Variants in KIF1B observed in about 807,000 individuals in gnomAD.
KIF1B encodes the protein kinesin-like protein KIF1B.
KIF1B carries 76 observed loss-of-function variants against 241.9 expected under a neutral mutation model. The observed-to-expected ratio is 0.31, with a 90% confidence interval of 0.26 to 0.38. The LOEUF (loss-of-function observed/expected upper bound fraction) is 0.38, where lower values mean the gene tolerates loss of function less well. KIF1B is among the 10% of genes least tolerant of loss of function. The probability of loss-of-function intolerance (pLI) is 1.00; values close to 1 mark genes in which losing one functional copy is unlikely to be tolerated. For synonymous variants in KIF1B, 750 were observed against 796.7 expected (o/e 0.94, Z 0.99); for missense variants, 1,622 against 2,271.4 (o/e 0.71, Z 5.81).
At chr1:10,302,705 A>G (rs1035579010) in intron 22 of KIF1B, among the ~76,000 whole-genome samples, 9 of 152,230 alleles carry the variant, frequency 5.9e-5, no homozygotes, top group Non-Finnish European at 1.0e-4. Flanking sequence ...AGCAACAGCA[A>G]TAACCAAGGC....
At chr1:10,255,854 A>C (rs1219931097) in intron 2 of KIF1B, among the ~76,000 whole-genome samples, 1 of 152,110 alleles carries the variant, frequency 6.6e-6, no homozygotes, top group Non-Finnish European at 1.5e-5. Flanking sequence ...CAGTGGCTCG[A>C]TAACAGCTAA....
At position 10,210,675 on chromosome 1, in the gene KIF1B, C is replaced by T. The variant is rs1174155378; in HGVS notation, c.-283C>T. 1 of 152,246 alleles carries T rather than the reference C, an allele frequency of 6.6e-6. No homozygotes were observed. The highest frequency in any genetic ancestry group is 6.6e-5 in the Admixed American group (1 of 15,206). The allele number at this position is 152,246 out of a possible 1,614,324, so 9.4% of individuals were successfully genotyped here. A position where few individuals can be genotyped will look rare whatever the true frequency, so the allele number is the denominator to read the frequency against. On this transcript the variant is annotated 5_prime_UTR_variant, in exon 1 of 49. Coordinates refer to ENST00000676179, the MANE Select transcript of KIF1B (RefSeq NM_001365951.3). This position sits in a 1 kb window ranked among gnomAD's most constrained non-coding sequence, Gnocchi z 4.1. ...TCGCCGCGCCCTGGCCTCCCGCACT[C>T]GCGCACTCCTGTCCGCCGCCCACCG... is the stretch of plus-strand genomic sequence containing the variant.
chr1:10,315,876 T>TA (rs1295536541), intron 22 of KIF1B, among the ~76,000 whole-genome samples: 2 of 150,936 alleles, frequency 1.3e-5, no homozygotes, highest in Non-Finnish European at 2.9e-5. Context: ...GCCAACATGG[T>TA]AAAACCCCCT....
chr1:10,342,205 G>T, intron 33 of KIF1B, 37 bp downstream of exon 33: 2 of 1,303,002 alleles, frequency 1.5e-6, no homozygotes, highest in Non-Finnish European at 2.2e-6. Flanking sequence ...TGATGGTATT[G>T]TTTTGATTTT....
At chr1:10,294,988 G>A in intron 17 of KIF1B, 98 bp from the exon 18 acceptor site, 1 of 815,048 alleles carries the variant, frequency 1.2e-6, no homozygotes, top group Non-Finnish European at 2.2e-6. Context: ...TAGGCTCTGT[G>A]GAGAGTTGGA....
intron 2 of KIF1B, among the ~76,000 whole-genome samples, chr1:10,243,587 A>G (rs1387657172): frequency 1.3e-5 from 2 of 152,244 alleles, no homozygotes; most frequent in Admixed American, 1.3e-4. Flanking sequence ...AGGAATTGAT[A>G]CAAAGAGGTA....
At chr1:10,232,596 A>G (rs1405946168) in intron 2 of KIF1B, among the ~76,000 whole-genome samples, 162 bp downstream of exon 2, 1 of 152,194 alleles carries the variant, frequency 6.6e-6, no homozygotes, top group Non-Finnish European at 1.5e-5. Context: ...GGTATTTGCT[A>G]TAGTATATTT....
intron 27 of KIF1B, among the ~76,000 whole-genome samples, chr1:10,329,641 G>A (rs1188729778): frequency 6.6e-6 from 1 of 152,128 alleles, no homozygotes; most frequent in Non-Finnish European, 1.5e-5. Context: ...GCTGAGGCAG[G>A]AGAATTGCTT....
intron 1 of KIF1B, among the ~76,000 whole-genome samples, 177 bp downstream of exon 1, chr1:10,211,055 A>C (rs1270239222): frequency 1.3e-5 from 2 of 151,832 alleles, no homozygotes; most frequent in African/African-American, 2.4e-5. Context: ...TCCCTAGGCC[A>C]GCAGCGAGTC....
At position 10,267,450 on chromosome 1, in the gene KIF1B, G is replaced by A. The variant is rs2102205265; in HGVS notation, c.500G>A (p.Arg167His). 6.2e-6 allele frequency: 10 copies of A among 1,614,138 alleles called. No individual in the cohort carries two copies. The highest frequency in any genetic ancestry group is 1.1e-5 in the South Asian group (1 of 91,078). Reference protein sequence around the residue: ...LLNPKNKGNLRVREHPLLGPY... With the variant: ...LLNPKNKGNLHVREHPLLGPY... ...AATCCAAAAAACAAGGGTAATTTGC[G>A]TGTGCGTGAACACCCACTTCTTGGA... The change falls in exon 6 of 49, where the codon CGT becomes CAT. Residue 167 changes from arginine to histidine, a missense_variant. Arg to His is a conservative substitution (Grantham distance 29). This residue lies in a region of KIF1B where 156 missense variants were observed against 244.8 expected (regional missense o/e 0.64). Coordinates refer to ENST00000676179, the MANE Select transcript of KIF1B (RefSeq NM_001365951.3).
chr1:10,272,169 A>G, intron 8 of KIF1B, 72 bp from the exon 9 acceptor site: 1 of 977,754 alleles, frequency 1.0e-6, no homozygotes, highest in Non-Finnish European at 1.7e-6. Flanking sequence ...GGCAAATCAT[A>G]TTTTATGTTC....
In KIF1B at chr1:10,232,443, A is replaced by G. The variant is rs373575028; in HGVS notation, c.106+9A>G. ...GCAAGGCAACTCGACCAGTGAGTAC[A>G]TGTTGTTTTCTCTCAGCTGTGTATC... On this transcript the variant is annotated intron_variant, in intron 2 of 48. Coordinates refer to ENST00000676179, the MANE Select transcript of KIF1B (RefSeq NM_001365951.3). 1.5e-5 allele frequency: 24 copies of G among 1,584,962 alleles called. No individual in the cohort carries two copies. The highest frequency in any genetic ancestry group is 2.1e-5 in the Non-Finnish European group (24 of 1,153,680).
At chr1:10,276,618 A>AT (rs1489659333) in intron 12 of KIF1B, among the ~76,000 whole-genome samples, 1 of 152,198 alleles carries the variant, frequency 6.6e-6, no homozygotes, top group South Asian at 2.1e-4. Flanking sequence ...TGAACTTTTT[A>AT]TTTTTTTATC....
rs892835019 is a variant in KIF1B, at chr1:10,378,121, A to T, written c.*1534A>T. On this transcript the variant is annotated 3_prime_UTR_variant, in exon 49 of 49. Coordinates refer to ENST00000676179, the MANE Select transcript of KIF1B (RefSeq NM_001365951.3). ...TGCTCTCTATACTCATAAATAAGCA[A>T]ATGTGGCAGGCTTTGCTTTCTGGAT... is the stretch of plus-strand genomic sequence containing the variant. The T allele has an allele frequency of 3.4e-6, 2 of 582,018 alleles. No individual in the cohort carries two copies. Among genetic ancestry groups the T allele is most frequent in the Non-Finnish European group, 6.1e-6 (2 of 326,846 alleles). 36.1% of individuals were successfully genotyped at this position (582,018 alleles called of 1,614,324 possible).
In KIF1B at chr1:10,379,526, G is replaced by A; in HGVS notation, c.*2939G>A. The A allele has an allele frequency of 4.3e-6, 1 of 231,898 alleles. No homozygotes were observed. The highest frequency in any genetic ancestry group is 8.5e-6 in the Non-Finnish European group (1 of 117,152). The allele number at this position is 231,898 out of a possible 1,614,324, so 14.4% of individuals were successfully genotyped here. A position where few individuals can be genotyped will look rare whatever the true frequency, so the allele number is the denominator to read the frequency against. ...TGAGGCTGTGAGAGATTTGTGGCAG[G>A]AACTGTTTATGAGGCTCTAGTTGTT... On this transcript the variant is annotated 3_prime_UTR_variant, in exon 49 of 49. Transcript: ENST00000676179.
Position 10,296,628 on chromosome 1 carries a change from T to C in KIF1B, c.1824T>C (p.Asn608=). 1.2e-6 allele frequency: 2 copies of C among 1,613,978 alleles called. No individual in the cohort carries two copies. Among genetic ancestry groups the C allele is most frequent in the Non-Finnish European group, 1.7e-6 (2 of 1,179,962 alleles). Residue 608 remains asparagine (N), a synonymous_variant, in exon 20 of 49, where the codon AAT becomes AAC. Coordinates refer to ENST00000676179, the MANE Select transcript of KIF1B (RefSeq NM_001365951.3). Reference sequence around the variant, plus strand: ...GTGAGCGCTCAGAAACCTACGTAAATGGCAAGAGGGTGTCCCAGCCTGTTC... The same window carrying C: ...GTGAGCGCTCAGAAACCTACGTAAACGGCAAGAGGGTGTCCCAGCCTGTTC... ...EPCERSETYV[N]GKRVSQPVQL...
rs772177176 is a variant in KIF1B at position 10,348,709 on chromosome 1, A to G, written c.3925A>G (p.Lys1309Glu). The change falls in exon 37 of 49, where the codon AAA becomes GAA. Residue 1309 changes from lysine (K) to glutamate (E), a missense_variant. Lys to Glu is a moderately conservative substitution (Grantham distance 56, BLOSUM62 1). Around this residue, in one of 7 missense-constraint regions of KIF1B, gnomAD observed 803 missense variants for 1,112.0 expected, o/e 0.72. Transcript: ENST00000676179. ...TGAGAAGGGGAGCGAGCTCCATTGG[A>G]AAGATGTTCGTGAACTGGTGGTAGG... ...IHEKGSELHW[K>E]DVRELVVGRI... is the part of the protein sequence containing the mutation. The G allele has an allele frequency of 3.7e-6, 6 of 1,613,922 alleles. No homozygotes were observed. In the African/African-American group the frequency reaches 5.3e-5, roughly 14 times the overall value.
In KIF1B at chr1:10,361,899, C is replaced by T. The variant is rs888737321; in HGVS notation, c.4304+74C>T. The T allele has an allele frequency of 2.1e-5, 32 of 1,532,788 alleles. No homozygotes were observed. In the East Asian group the frequency reaches 3.6e-4, roughly 17 times the overall value. 94.9% of individuals were successfully genotyped at this position (1,532,788 alleles called of 1,614,324 possible). A position where few individuals can be genotyped will look rare whatever the true frequency, so the allele number is the denominator to read the frequency against. On this transcript the variant is annotated intron_variant, in intron 40 of 48. Transcript: ENST00000676179. Reference sequence around the variant, plus strand: ...AGAATCATTAGTCCTTAAGTATTCTCGGCTTACTGTCTCACGGTTAGTTTA... The same window carrying T: ...AGAATCATTAGTCCTTAAGTATTCTTGGCTTACTGTCTCACGGTTAGTTTA...
chr1:10,320,201 A>G, intron 23 of KIF1B, 65 bp downstream of exon 23: 1 of 1,078,262 alleles, frequency 9.3e-7, no homozygotes, highest in Non-Finnish European at 1.4e-6. Context: ...CAAATTAGTC[A>G]TTTATGCATA....
Sources: gnomAD v4.1 joint callset for allele counts (sites outside exome capture counted in the v4.1 genomes callset) on GRCh38, gnomAD v4.1.1 for gene constraint, gnomAD v4.1.1 regional missense constraint, Gnocchi (gnomAD v3.1) non-coding constraint, MANE v1.5 for transcripts, NCBI Gene and HGNC (gene_info 2026-07-23, HGNC 2026-07-21) for gene names.